Variants in SLC26A5 observed in about 807,000 individuals in gnomAD.
The protein encoded by SLC26A5 is prestin.
In SLC26A5, 51 loss-of-function variants were observed where a neutral mutation model predicts 81.0. That is an observed-to-expected ratio of 0.63 (90% confidence interval 0.50 to 0.80). The LOEUF is 0.80. Ranked by LOEUF, SLC26A5 falls within the 30% of genes least tolerant of loss-of-function variation. The pLI is 0.00. For missense variants in SLC26A5, 771 were observed against 905.8 expected (o/e 0.85, Z 1.91); for synonymous variants, 325 against 332.8 (o/e 0.98, Z 0.25).
intron 14 of SLC26A5, among the ~76,000 whole-genome samples, chr7:103,386,166 A>G (rs1427071150): frequency 6.6e-6 from 1 of 151,910 alleles, no homozygotes; most frequent in East Asian, 1.9e-4. Context: ...CCTGACCTCA[A>G]ATGATCCGCT....
chr7:103,427,188 C>A (rs1352404872), intron 2 of SLC26A5, among the ~76,000 whole-genome samples: 3 of 151,906 alleles, frequency 2.0e-5, no homozygotes, highest in African/African-American at 7.3e-5. Flanking sequence ...ATTTTCCTGC[C>A]TCAGCCTCCC....
At chr7:103,393,512 C>A (rs540095041) in intron 9 of SLC26A5, among the ~76,000 whole-genome samples, 1 of 152,110 alleles carries the variant, frequency 6.6e-6, no homozygotes, top group Non-Finnish European at 1.5e-5. Context: ...GCTAGGCACC[C>A]CATACTTCTC....
At chr7:103,418,064 T>C (rs1825064605) in intron 4 of SLC26A5, among the ~76,000 whole-genome samples, 1 of 152,162 alleles carries the variant, frequency 6.6e-6, no homozygotes, top group South Asian at 2.1e-4. Flanking sequence ...ATGTCTGCAA[T>C]TGGCACCTCC....
chr7:103,384,957 T>G (rs535150790), intron 14 of SLC26A5, among the ~76,000 whole-genome samples: 40 of 152,344 alleles, frequency 2.6e-4, no homozygotes, highest in African/African-American at 8.9e-4. Flanking sequence ...TATACTGCAC[T>G]GTCCCTAGAG....
At chr7:103,407,165 T>C (rs900476965) in intron 8 of SLC26A5, among the ~76,000 whole-genome samples, 17 of 152,222 alleles carry the variant, frequency 1.1e-4, no homozygotes, top group African/African-American at 4.1e-4. Context: ...AGCTGGGTGT[T>C]CAGTGGTTGC....
downstream of SLC26A5, among the ~76,000 whole-genome samples, chr7:103,370,832 CAGA>C (rs1820991972): frequency 6.6e-6 from 1 of 152,224 alleles, no homozygotes; most frequent in African/African-American, 2.4e-5. Flanking sequence ...CACGAGATTT[CAGA>C]AGGTCAAAGG....
At chr7:103,424,770 G>T (rs1415618880) in intron 2 of SLC26A5, among the ~76,000 whole-genome samples, 1 of 152,114 alleles carries the variant, frequency 6.6e-6, no homozygotes, top group Non-Finnish European at 1.5e-5. Context: ...TCAAGTCTAG[G>T]GATGTTTTAT....
At chr7:103,358,952 T>TA (rs1395950724) in intron 19 of SLC26A5, among the ~76,000 whole-genome samples, 4 of 151,714 alleles carry the variant, frequency 2.6e-5, no homozygotes, top group Non-Finnish European at 4.4e-5. Flanking sequence ...AAACTCTTGA[T>TA]AAAATTTGTG....
At chr7:103,386,817 C>A (rs1822234141) in intron 14 of SLC26A5, among the ~76,000 whole-genome samples, 2 of 151,750 alleles carry the variant, frequency 1.3e-5, no homozygotes, top group African/African-American at 4.8e-5. Flanking sequence ...GGCTGGAGTG[C>A]AATGGCTCAA....
intron 19 of SLC26A5, 141 bp downstream of exon 19, chr7:103,376,666 TG>T: frequency 1.5e-6 from 1 of 650,866 alleles, no homozygotes; most frequent in Non-Finnish European, 2.6e-6. Flanking sequence ...ATTTCAAAGC[TG>T]GCTTTAGAGT....
At chr7:103,387,667 C>T (rs987133226) in intron 14 of SLC26A5, among the ~76,000 whole-genome samples, 51 of 152,168 alleles carry the variant, frequency 3.4e-4, no homozygotes, top group Middle Eastern at 3.2e-3. Context: ...AAAGTCCAGG[C>T]TATTTCTTTA....
At chr7:103,396,386 C>T (rs1160188273) in intron 9 of SLC26A5, among the ~76,000 whole-genome samples, 2 of 152,174 alleles carry the variant, frequency 1.3e-5, no homozygotes, top group African/African-American at 4.8e-5. Context: ...ATATCCACAG[C>T]TGCACTATTC....
chr7:103,397,976 C>A lies in SLC26A5; in HGVS notation c.927G>T (p.Leu309Phe). The A allele has an allele frequency of 6.2e-7, 1 of 1,614,098 alleles. No individual in the cohort carries two copies. Among genetic ancestry groups the A allele is most frequent in the East Asian group, 2.2e-5 (1 of 44,856 alleles). ...CGACATCCACATTGTATGATTCTTT[C>A]AAGTTAAACCCAGCTGAAATGCCAG... ...MGTGISAGFN[L>F]KESYNVDVVG... is the part of the protein sequence containing the mutation. Residue 309 changes from leucine to phenylalanine, a missense_variant, in exon 9 of 20, where the codon TTG (leucine) becomes TTT (phenylalanine). Coordinates refer to ENST00000306312, the MANE Select transcript of SLC26A5 (RefSeq NM_198999.3).
Position 103,374,278 on chromosome 7 carries a change from A to G in SLC26A5, c.*121T>C. The G allele has an allele frequency of 6.6e-7, 1 of 1,504,896 alleles. No individual in the cohort carries two copies. 93.2% of individuals were successfully genotyped at this position (1,504,896 alleles called of 1,614,324 possible). A position where few individuals can be genotyped will look rare whatever the true frequency, so the allele number is the denominator to read the frequency against. ...TTGCTAGGCGTCATTCACCCTCCAA[A>G]TCAAGCCTGGACTACTAGTATTCAC... On this transcript the variant is annotated 3_prime_UTR_variant, in exon 20 of 20. Transcript: ENST00000306312.
In SLC26A5 at chr7:103,378,496, C is replaced by A; in HGVS notation, c.1735G>T (p.Ala579Ser). Reference protein sequence around the residue: ...GARRKAMRKYAKEVGNANMAN... With the variant: ...GARRKAMRKYSKEVGNANMAN... ...ATATTTGCATTTCCGACTTCCTTAG[C>A]GTACTTCCGCATGGCCTTTCTCCTT... The change falls in exon 17 of 20, where the codon GCT (alanine) becomes TCT (serine). Residue 579 changes from alanine (A) to serine (S), a missense_variant. By Grantham distance (99) the Ala-to-Ser change is moderately conservative. Transcript: ENST00000306312. 2 of 1,614,156 alleles carry A rather than the reference C, an allele frequency of 1.2e-6. No homozygotes were observed. Among genetic ancestry groups the A allele is most frequent in the Non-Finnish European group, 1.7e-6 (2 of 1,180,004 alleles).
At chr7:103,435,812 C>T (rs908954195) in intron 2 of SLC26A5, among the ~76,000 whole-genome samples, 1 of 152,130 alleles carries the variant, frequency 6.6e-6, no homozygotes, top group South Asian at 2.1e-4. Context: ...TGCTTCCAAG[C>T]ATTTTCATAT....
At chr7:103,360,612 A>G (rs750453774) in intron 19 of SLC26A5, among the ~76,000 whole-genome samples, 5 of 152,116 alleles carry the variant, frequency 3.3e-5, no homozygotes, top group South Asian at 2.1e-4. Context: ...CGCACTCCAC[A>G]GGCTATTTTT....
At chr7:103,420,307 T>G (rs1249506124) in intron 4 of SLC26A5, among the ~76,000 whole-genome samples, 3 of 149,560 alleles carry the variant, frequency 2.0e-5, no homozygotes, top group African/African-American at 7.4e-5. Context: ...TTTTTTTTTT[T>G]TTTTTTGAGA....
intron 2 of SLC26A5, among the ~76,000 whole-genome samples, chr7:103,440,033 T>C (rs545552537): frequency 1.3e-5 from 2 of 152,342 alleles, no homozygotes; most frequent in South Asian, 2.1e-4. Context: ...TACCATCTTC[T>C]TTCTAGATAT....
Sources: allele counts gnomAD v4.1 joint callset (sites outside exome capture counted in the v4.1 genomes callset), GRCh38; gene constraint gnomAD v4.1.1; transcripts MANE v1.5; gene names NCBI Gene and HGNC (gene_info 2026-07-23, HGNC 2026-07-21).